Variants in PTPRD observed in about 807,000 individuals in gnomAD.
PTPRD encodes the protein protein tyrosine phosphatase receptor type D, also known as receptor-type tyrosine-protein phosphatase delta.
A neutral mutation model predicts 214.5 loss-of-function variants in PTPRD; 34 were observed. That is an observed-to-expected ratio of 0.16 (90% CI 0.12 to 0.21). PTPRD has a LOEUF of 0.21. Among genes scored for constraint, PTPRD ranks in the 10% least tolerant of loss-of-function variants. PTPRD has a pLI of 1.00. For synonymous variants in PTPRD, 1,128 were observed against 845.7 expected, an observed-to-expected ratio of 1.33 and a Z score of -5.79; for missense variants, 2,545 against 2,398.7, an observed-to-expected ratio of 1.06 and a Z score of -1.27.
chr9:9,084,184 A>C (rs1310047819), intron 10 of PTPRD, among the ~76,000 whole-genome samples: 7 of 152,216 alleles, frequency 4.6e-5, no homozygotes, highest in African/African-American at 1.7e-4. Flanking sequence ...TGGATAAAGA[A>C]AATGTGGCAC....
chr9:9,548,588 G>T (rs1237705052), intron 8 of PTPRD, among the ~76,000 whole-genome samples: 1 of 151,362 alleles, frequency 6.6e-6, no homozygotes, highest in African/African-American at 2.4e-5. Context: ...TAGTAGAGAT[G>T]GGGTTTCACC....
intron 3 of PTPRD, among the ~76,000 whole-genome samples, chr9:10,128,383 C>T (rs1392062366): frequency 6.6e-6 from 1 of 152,106 alleles, no homozygotes; most frequent in Non-Finnish European, 1.5e-5. Context: ...TTGGCATGCA[C>T]ACAGGGAGCA....
chr9:9,266,463 A>G (rs945401509), intron 9 of PTPRD, among the ~76,000 whole-genome samples: 29 of 151,422 alleles, frequency 1.9e-4, no homozygotes, highest in African/African-American at 6.8e-4. Context: ...TCCAAAGAAC[A>G]CATGGAACAT....
chr9:9,377,634 C>A (rs1041725462), intron 9 of PTPRD, among the ~76,000 whole-genome samples: 1 of 152,076 alleles, frequency 6.6e-6, no homozygotes. Flanking sequence ...AAAACTAAAG[C>A]TTCTGGAATG....
chr9:10,025,664 T>A (rs1213836209), intron 4 of PTPRD, among the ~76,000 whole-genome samples: 1 of 152,130 alleles, frequency 6.6e-6, no homozygotes, highest in Non-Finnish European at 1.5e-5. Flanking sequence ...TTTAAAAAAT[T>A]AGATAACCTT....
At chr9:8,963,429 T>C (rs2099169054) in intron 11 of PTPRD, among the ~76,000 whole-genome samples, 1 of 152,158 alleles carries the variant, frequency 6.6e-6, no homozygotes, top group African/African-American at 2.4e-5. Context: ...ATTTTGTATG[T>C]GTTATATTTC....
intron 30 of PTPRD, among the ~76,000 whole-genome samples, chr9:8,482,320 G>A (rs920116564): frequency 6.6e-6 from 1 of 151,974 alleles, no homozygotes; most frequent in African/African-American, 2.4e-5. Flanking sequence ...TGTAACTCAT[G>A]TCTACCTCTG....
intron 9 of PTPRD, among the ~76,000 whole-genome samples, chr9:9,367,291 G>A (rs1211924244): frequency 6.6e-6 from 1 of 151,400 alleles, no homozygotes; most frequent in African/African-American, 2.4e-5. Context: ...AAGAATACAG[G>A]TAAAAGTATC....
intron 10 of PTPRD, among the ~76,000 whole-genome samples, chr9:9,084,636 A>G (rs1054853192): frequency 1.3e-5 from 2 of 152,138 alleles, no homozygotes; most frequent in Admixed American, 6.5e-5. Flanking sequence ...GGGATCTGAG[A>G]GTGTTATTTT....
At chr9:9,624,338 A>G (rs1204617497) in intron 7 of PTPRD, among the ~76,000 whole-genome samples, 1 of 152,022 alleles carries the variant, frequency 6.6e-6, no homozygotes, top group African/African-American at 2.4e-5. Context: ...GCTGGAGTAC[A>G]GTGGCATGAT....
At chr9:8,829,088 T>A (rs989880770) in intron 11 of PTPRD, among the ~76,000 whole-genome samples, 1 of 152,222 alleles carries the variant, frequency 6.6e-6, no homozygotes, top group Non-Finnish European at 1.5e-5. Context: ...GTTTCCTTAA[T>A]TGTCCATGTA....
intron 5 of PTPRD, among the ~76,000 whole-genome samples, chr9:9,889,727 C>G (rs1454909361): frequency 1.3e-5 from 2 of 152,008 alleles, no homozygotes; most frequent in Admixed American, 1.3e-4. Context: ...TGGAGGGTCA[C>G]AGCAGGATAG....
intron 8 of PTPRD, among the ~76,000 whole-genome samples, chr9:9,424,847 A>T (rs1007121507): frequency 6.6e-6 from 1 of 152,206 alleles, no homozygotes; most frequent in Non-Finnish European, 1.5e-5. Flanking sequence ...TAATATATGC[A>T]TATATACTAT....
intron 12 of PTPRD, among the ~76,000 whole-genome samples, chr9:8,641,618 G>A (rs1292143903): frequency 7.5e-6 from 1 of 133,336 alleles, no homozygotes. Flanking sequence ...CAGAGACATG[G>A]CCGATATTCT....
intron 3 of PTPRD, among the ~76,000 whole-genome samples, chr9:10,108,819 T>C (rs2098662095): frequency 6.6e-6 from 1 of 151,044 alleles, no homozygotes; most frequent in Admixed American, 6.6e-5. Flanking sequence ...TAAGAACAGA[T>C]AAACCTGGAG....
At chr9:9,741,534 C>T (rs2098402400) in intron 6 of PTPRD, among the ~76,000 whole-genome samples, 1 of 152,012 alleles carries the variant, frequency 6.6e-6, no homozygotes. Context: ...TATACATGTG[C>T]CATGGTGGTT....
At chr9:8,619,943 A>T (rs1264254318) in intron 14 of PTPRD, among the ~76,000 whole-genome samples, 1 of 152,052 alleles carries the variant, frequency 6.6e-6, no homozygotes, top group Non-Finnish European at 1.5e-5. Context: ...CACCACATTT[A>T]CCAGCATGTT....
At chr9:8,737,934 C>T (rs1283348100) in intron 11 of PTPRD, among the ~76,000 whole-genome samples, 1 of 122,572 alleles carries the variant, frequency 8.2e-6, no homozygotes, top group Non-Finnish European at 1.9e-5. Context: ...TAGATGTGAG[C>T]CACTGCACCC....
intron 7 of PTPRD, among the ~76,000 whole-genome samples, chr9:9,723,452 A>G (rs754164356): frequency 6.6e-6 from 1 of 152,022 alleles, no homozygotes; most frequent in African/African-American, 2.4e-5. Flanking sequence ...TAAATTTTGA[A>G]ATCAGAAACT....
Sources: allele counts gnomAD v4.1 joint callset (sites outside exome capture counted in the v4.1 genomes callset), GRCh38; gene constraint gnomAD v4.1.1; transcripts MANE v1.5; gene names NCBI Gene and HGNC (gene_info 2026-07-23, HGNC 2026-07-21).